Variants in MECOM observed in about 807,000 individuals in gnomAD.
The protein encoded by MECOM is histone-lysine N-methyltransferase MECOM.
MECOM carries 13 observed loss-of-function variants against 116.3 expected under a neutral mutation model. The ratio of observed to expected loss-of-function variants is 0.11; its 90% CI spans 0.07 to 0.18. The LOEUF (loss-of-function observed/expected upper bound fraction) is 0.18. Among genes scored for constraint, MECOM ranks in the 10% least tolerant of loss-of-function variants. MECOM has a pLI of 1.00. For synonymous variants in MECOM, 528 were observed against 535.2 expected, an observed-to-expected ratio of 0.99 and a Z score of 0.19; for missense variants, 1,299 against 1,509.0, an observed-to-expected ratio of 0.86 and a Z score of 2.31.
intron 1 of MECOM, among the ~76,000 whole-genome samples, chr3:169,557,053 C>T (rs1762120244): frequency 1.3e-5 from 2 of 152,134 alleles, no homozygotes; most frequent in African/African-American, 4.8e-5. Context: ...CCCAGATCTA[C>T]ACAATTACAA....
rs1559974096 is a variant in MECOM at position 169,191,782 on chromosome 3, GAAA to G, written c.376-47953_376-47951del. ...AGAAAGAAAGAAAGAAAGAAAGAAAGAAAGAAAGAAAGGGAGGGAAGGATAAAT... is the reference window on the plus strand; with the variant it reads ...AGAAAGAAAGAAAGAAAGAAAGAAAGGAAAGAAAGGGAGGGAAGGATAAAT... On this transcript the variant is annotated intron_variant, in intron 2 of 16. Transcript: ENST00000651503. Among the ~76,000 whole-genome samples, 9 of 143,776 alleles carry G rather than the reference GAAA, an allele frequency of 6.3e-5. No individual in the cohort carries two copies. The East Asian group carries it at 8.7e-4, about 14-fold the overall frequency. 94.3% of individuals were successfully genotyped at this position (143,776 alleles called of 152,430 possible).
chr3:169,479,639 A>AT (rs1253190122), intron 1 of MECOM, among the ~76,000 whole-genome samples: 1 of 123,268 alleles, frequency 8.1e-6, no homozygotes, highest in Non-Finnish European at 1.6e-5. Context: ...TCATTTTCAG[A>AT]TTTTCTCTTA....
intron 1 of MECOM, among the ~76,000 whole-genome samples, chr3:169,505,307 A>G (rs1178817217): frequency 9.2e-6 from 1 of 108,240 alleles, no homozygotes; most frequent in African/African-American, 4.2e-5. Flanking sequence ...TTAGAGCAGG[A>G]ATTTTTTTTT....
chr3:169,234,414 A>G (rs1176608999), intron 2 of MECOM, among the ~76,000 whole-genome samples: 1 of 152,104 alleles, frequency 6.6e-6, no homozygotes, highest in Non-Finnish European at 1.5e-5. Context: ...TGAGCAAATG[A>G]TGGAAAGAGA....
intron 1 of MECOM, among the ~76,000 whole-genome samples, chr3:169,614,232 T>C (rs561578208): frequency 1.3e-5 from 2 of 151,438 alleles, no homozygotes; most frequent in Admixed American, 1.3e-4. Flanking sequence ...TAAAAATATA[T>C]CTCTTTCCCA....
intron 1 of MECOM, among the ~76,000 whole-genome samples, chr3:169,498,926 G>C (rs1754172498): frequency 6.6e-6 from 1 of 152,098 alleles, no homozygotes; most frequent in Admixed American, 6.5e-5. Context: ...GAAATTTTTA[G>C]ATGGAAAAGC....
chr3:169,414,593 A>G (rs1363386794), intron 1 of MECOM, among the ~76,000 whole-genome samples: 1 of 152,192 alleles, frequency 6.6e-6, no homozygotes, highest in Non-Finnish European at 1.5e-5. Flanking sequence ...CCTCCAAGCT[A>G]AAGGAACATG....
chr3:169,484,746 G>A lies in MECOM; in HGVS notation c.38-103222C>T, dbSNP rs77591725. Among the ~76,000 whole-genome samples, 550 of 151,922 alleles carry A rather than the reference G, an allele frequency of 3.6e-3. 7 individuals are homozygous for A. The highest frequency in any genetic ancestry group is 0.013 in the African/African-American group (525 of 41,402). On this transcript the variant is annotated intron_variant, in intron 1 of 16. Coordinates refer to ENST00000651503, the MANE Select transcript of MECOM (RefSeq NM_004991.4). ...TTATGGCACTTTTATTTCCTATGAA[G>A]GCACACTAACATTGGAAGGCAGACT...
chr3:169,576,949 G>C (rs1310051150), intron 1 of MECOM, among the ~76,000 whole-genome samples: 1 of 151,936 alleles, frequency 6.6e-6, no homozygotes, highest in Admixed American at 6.6e-5. Context: ...CATAGCACTG[G>C]CCGGGCCAAG....
At chr3:169,638,859 T>G (rs1376912287) in intron 1 of MECOM, among the ~76,000 whole-genome samples, 1 of 152,220 alleles carries the variant, frequency 6.6e-6, no homozygotes, top group Non-Finnish European at 1.5e-5. Context: ...CAAGGCATCT[T>G]CTCACACTTT....
At chr3:169,504,878 T>G (rs1223538166) in intron 1 of MECOM, among the ~76,000 whole-genome samples, 1 of 152,172 alleles carries the variant, frequency 6.6e-6, no homozygotes, top group African/African-American at 2.4e-5. Flanking sequence ...CATAAGCATA[T>G]AAATAAAATA....
chr3:169,518,907 C>A (rs954128649), intron 1 of MECOM, among the ~76,000 whole-genome samples: 2 of 152,194 alleles, frequency 1.3e-5, no homozygotes, highest in Admixed American at 6.5e-5. Flanking sequence ...ACATGACTTG[C>A]TCCTCCTTGC....
At chr3:169,346,609 A>G (rs1042219553) in intron 2 of MECOM, among the ~76,000 whole-genome samples, 1 of 151,968 alleles carries the variant, frequency 6.6e-6, no homozygotes, top group Non-Finnish European at 1.5e-5. Context: ...CCACAGGGGG[A>G]AAAAATGCAC....
intron 1 of MECOM, among the ~76,000 whole-genome samples, chr3:169,486,257 A>G (rs1205839702): frequency 6.6e-6 from 1 of 151,832 alleles, no homozygotes; most frequent in Non-Finnish European, 1.5e-5. Context: ...CTTTAATAAT[A>G]GTAGAAGTTT....
At chr3:169,143,302 T>C (rs1738697123) in intron 3 of MECOM, among the ~76,000 whole-genome samples, 3 of 152,136 alleles carry the variant, frequency 2.0e-5, no homozygotes, top group South Asian at 2.1e-4. Context: ...ATAAAACCTA[T>C]ATAACATTTC....
intron 1 of MECOM, among the ~76,000 whole-genome samples, chr3:169,506,189 G>T (rs936019376): frequency 6.6e-6 from 1 of 152,204 alleles, no homozygotes; most frequent in Non-Finnish European, 1.5e-5. Flanking sequence ...AATCAACAAA[G>T]CAGAAAAATT....
intron 1 of MECOM, among the ~76,000 whole-genome samples, chr3:169,407,778 C>T (rs921793277): frequency 5.3e-5 from 8 of 152,196 alleles, no homozygotes; most frequent in Non-Finnish European, 7.3e-5. Flanking sequence ...TCCACAGATG[C>T]ACTGACAAGG....
chr3:169,595,045 G>A (rs10513678), intron 1 of MECOM, among the ~76,000 whole-genome samples: 1 of 151,998 alleles, frequency 6.6e-6, no homozygotes, highest in African/African-American at 2.4e-5. Context: ...CCAGTTGCTT[G>A]AATAAAATGG....
chr3:169,627,263 A>G (rs939514832), intron 1 of MECOM, among the ~76,000 whole-genome samples: 1 of 152,228 alleles, frequency 6.6e-6, no homozygotes, highest in Non-Finnish European at 1.5e-5. Context: ...AAGTCATTTT[A>G]TGTGGTTGGC....
Sources: allele counts gnomAD v4.1 joint callset (sites outside exome capture counted in the v4.1 genomes callset), GRCh38; gene constraint gnomAD v4.1.1; transcripts MANE v1.5; gene names NCBI Gene and HGNC (gene_info 2026-07-23, HGNC 2026-07-21).